Variants in TASOR observed in about 807,000 individuals in gnomAD.
TASOR encodes transcription activation suppressor, also known as protein TASOR.
A neutral mutation model predicts 178.6 loss-of-function variants in TASOR; 53 were observed. The ratio of observed to expected loss-of-function variants is 0.30; its 90% CI spans 0.24 to 0.37. The LOEUF is 0.37. TASOR is among the 10% of genes least tolerant of loss of function. The probability of loss-of-function intolerance (pLI) is 1.00; values close to 1 mark genes in which losing one functional copy is unlikely to be tolerated. For missense variants in TASOR, 1,815 were observed against 1,971.4 expected (o/e 0.92, Z 1.50); for synonymous variants, 713 against 696.2 (o/e 1.02, Z -0.38).
intron 18 of TASOR, among the ~76,000 whole-genome samples, chr3:56,630,913 G>T (rs1005756316): frequency 9.2e-5 from 13 of 141,482 alleles, no homozygotes; most frequent in South Asian, 2.6e-4. Flanking sequence ...AAAAAGGAGC[G>T]GGGGGGTGGG....
intron 13 of TASOR, among the ~76,000 whole-genome samples, chr3:56,648,047 A>AAATTT (rs2077272172): frequency 6.6e-6 from 1 of 152,174 alleles, no homozygotes; most frequent in African/African-American, 2.4e-5. Context: ...GAAAAAAAAA[A>AAATTT]AATTTAAACT....
chr3:56,668,139 A>G (rs1003867746), intron 6 of TASOR, among the ~76,000 whole-genome samples: 5 of 152,220 alleles, frequency 3.3e-5, no homozygotes, highest in Non-Finnish European at 7.3e-5. Flanking sequence ...ACCAGGTCAC[A>G]GTCTACTGGC....
chr3:56,670,203 A>C (rs2030533327), intron 3 of TASOR, 58 bp from the exon 4 acceptor site: 1 of 1,058,420 alleles, frequency 9.4e-7, no homozygotes, highest in African/African-American at 1.6e-5. Context: ...AAACATGAAA[A>C]AATAATTTTA....
rs114228714 is a variant in TASOR, at chr3:56,670,795, G to A, written c.571-650C>T. On this transcript the variant is annotated intron_variant, in intron 3 of 23. Transcript: ENST00000683822. Reference sequence around the variant, plus strand: ...TACTAAAAACGCAAAAAAATTAGCCGGGTGCGGTGGCGTGTCCTGTAATCC... The same window carrying A: ...TACTAAAAACGCAAAAAAATTAGCCAGGTGCGGTGGCGTGTCCTGTAATCC... 9.5e-3 allele frequency among the ~76,000 whole-genome samples: 1,436 copies of A among 151,524 alleles called. 30 individuals carry two copies. Among genetic ancestry groups the A allele is most frequent in the African/African-American group, 0.032 (1,314 of 41,256 alleles).
At chr3:56,659,996 T>TC (rs1270485171) in intron 11 of TASOR, among the ~76,000 whole-genome samples, 1 of 151,840 alleles carries the variant, frequency 6.6e-6, no homozygotes, top group Non-Finnish European at 1.5e-5. Flanking sequence ...TGCCTCAGCC[T>TC]CCCCAGTAGC....
chr3:56,668,534 G>T lies in TASOR; in HGVS notation c.760C>A (p.Pro254Thr), dbSNP rs2030301316. 7 of 1,550,504 alleles carry T rather than the reference G, an allele frequency of 4.5e-6. No individual in the cohort carries two copies. The highest frequency in any genetic ancestry group is 6.1e-6 in the Non-Finnish European group (7 of 1,146,484). ...MKGKIKSIYDPMGVKSLESML... is the reference protein window; with the variant it reads ...MKGKIKSIYDTMGVKSLESML... ...GATTCCAAACTTTTTACACCCATGG[G>T]GTCATATATACTCTTTATTTTACCC... Residue 254 changes from proline to threonine, a missense_variant, in exon 6 of 24, where the codon CCC (proline) becomes ACC (threonine). Physicochemically the swap from Pro to Thr is conservative, Grantham distance 38. Transcript: ENST00000683822.
intron 18 of TASOR, among the ~76,000 whole-genome samples, chr3:56,631,645 G>A (rs139834324): frequency 0.18 from 27,118 of 148,640 alleles, 3,290 homozygotes; most frequent in South Asian, 0.4. Context: ...GTGCACTGGC[G>A]TGATCTCGGC....
At chr3:56,662,061 C>G (rs939516628) in intron 9 of TASOR, among the ~76,000 whole-genome samples, 4 of 149,964 alleles carry the variant, frequency 2.7e-5, no homozygotes, top group African/African-American at 9.8e-5. Flanking sequence ...ACCCGGGAGG[C>G]GAAGGTTGCA....
chr3:56,654,642 C>T (rs1188093093), intron 11 of TASOR, among the ~76,000 whole-genome samples: 2 of 152,086 alleles, frequency 1.3e-5, no homozygotes, highest in African/African-American at 4.8e-5. Context: ...AAGCCAACCT[C>T]CCTAATGCAG....
rs1266038037 is a variant in TASOR at position 56,628,539 on chromosome 3, G to C, written c.3823C>G (p.Leu1275Val). ...TCTTCATTTTGAATAATAATCAATAGTTTATCTAATTTTGATCTTCTTTCC... is the reference window on the plus strand; with the variant it reads ...TCTTCATTTTGAATAATAATCAATACTTTATCTAATTTTGATCTTCTTTCC... ...FLERRSKLDK[L>V]LIIIQNEDIA... The change falls in exon 19 of 24, where the codon CTA (leucine) becomes GTA (valine). Residue 1275 changes from leucine (L) to valine (V), a missense_variant. By Grantham distance (32) the Leu-to-Val change is conservative. Coordinates refer to ENST00000683822, the MANE Select transcript of TASOR (RefSeq NM_001365635.2). The C allele has an allele frequency of 6.3e-7, 1 of 1,598,786 alleles. No individual in the cohort carries two copies. Among genetic ancestry groups the C allele is most frequent in the Non-Finnish European group, 8.6e-7 (1 of 1,168,250 alleles).
intron 5 of TASOR, among the ~76,000 whole-genome samples, chr3:56,669,327 A>C (rs1293460031): frequency 6.6e-6 from 1 of 151,744 alleles, no homozygotes; most frequent in Non-Finnish European, 1.5e-5. Context: ...CACGGTGAAA[A>C]CCCGTCTCTA....
intron 14 of TASOR, 46 bp from the exon 15 acceptor site, chr3:56,641,798 C>G (rs767973660): frequency 6.5e-7 from 1 of 1,527,084 alleles, no homozygotes; most frequent in East Asian, 2.3e-5. Context: ...TAAAAGCAAG[C>G]ATAAAACTTT....
chr3:56,649,039 C>T lies in TASOR; in HGVS notation c.1387G>A (p.Gly463Arg). The T allele has an allele frequency of 6.2e-7, 1 of 1,607,436 alleles. No individual in the cohort carries two copies. The change falls in exon 12 of 24, where the codon GGA (glycine) becomes AGA (arginine). Residue 463 changes from glycine (G) to arginine (R), a missense_variant. Physicochemically the swap from Gly to Arg is moderately radical, Grantham distance 125 (BLOSUM62 -2). Coordinates refer to ENST00000683822, the MANE Select transcript of TASOR (RefSeq NM_001365635.2). ...REKLVLVKPL[G>R]DRGYLFLLSP... Reference sequence around the variant, plus strand: ...AGAAGAAAAAGGTATCCTCGGTCTCCCAAAGGTTTAACAAGAACCTGTATT... The same window carrying T: ...AGAAGAAAAAGGTATCCTCGGTCTCTCAAAGGTTTAACAAGAACCTGTATT...
At chr3:56,640,188 A>G (rs1198697981) in intron 15 of TASOR, 58 bp from the exon 16 acceptor site, 47 of 1,501,944 alleles carry the variant, frequency 3.1e-5, no homozygotes, top group Non-Finnish European at 4.2e-5. Flanking sequence ...AATGTCAAGA[A>G]TAAACTGTTT....
intron 11 of TASOR, among the ~76,000 whole-genome samples, chr3:56,660,223 G>A (rs2077563261): frequency 6.6e-6 from 1 of 151,832 alleles, no homozygotes; most frequent in South Asian, 2.1e-4. Flanking sequence ...TGGGCACGGT[G>A]GCTCACGCCT....
Position 56,623,148 on chromosome 3 carries a change from A to T in TASOR, c.4902T>A (p.Asn1634Lys), listed in dbSNP as rs61754213. 1 of 1,613,792 alleles carries T rather than the reference A, an allele frequency of 6.2e-7. No homozygotes were observed. Among genetic ancestry groups the T allele is most frequent in the Non-Finnish European group, 8.5e-7 (1 of 1,179,826 alleles). ...YALSSSQSQE[N>K]ENYFLSAYTE... is the part of the protein sequence containing the mutation. ...TATAAGCAGATAAGAAGTAATTCTC[A>T]TTTTCTTGAGACTGACTTGATGAAA... The change falls in exon 24 of 24, where the codon AAT (asparagine) becomes AAA (lysine). Residue 1634 changes from asparagine (N) to lysine (K), a missense_variant. By Grantham distance (94) the Asn-to-Lys change is moderately conservative. Coordinates refer to ENST00000683822, the MANE Select transcript of TASOR (RefSeq NM_001365635.2).
rs1481268134 is a variant in TASOR at position 56,646,811 on chromosome 3, T to C, written c.1926A>G (p.Glu642=). The C allele has an allele frequency of 8.7e-6, 14 of 1,612,878 alleles. No homozygotes were observed. The highest frequency in any genetic ancestry group is 1.1e-5 in the Non-Finnish European group (13 of 1,179,778). The stretch of plus-strand genomic sequence containing the variant: ...TCATTTTTGTACCATTCATTTCTTC[T>C]TCTTGACCTTCATAATCTGAAAGTG... ...FSPLSDYEGQ[E]EEMNGTKMKF... is the part of the protein sequence containing the mutation. Residue 642 remains glutamate, a synonymous_variant, in exon 14 of 24, where the codon GAA becomes GAG. Transcript: ENST00000683822.
chr3:56,677,843 C>A (rs890977916), intron 1 of TASOR, among the ~76,000 whole-genome samples: 1 of 152,116 alleles, frequency 6.6e-6, no homozygotes, highest in Admixed American at 6.6e-5. Context: ...AGTCGTAACA[C>A]CCTTTGTTTT....
chr3:56,648,672 T>G, intron 13 of TASOR, 150 bp downstream of exon 13: 1 of 395,340 alleles, frequency 2.5e-6, no homozygotes, highest in Non-Finnish European at 4.7e-6. Flanking sequence ...TTCATATAAT[T>G]TGTGTCTTAT....
Sources: gnomAD v4.1 joint callset for allele counts (sites outside exome capture counted in the v4.1 genomes callset) on GRCh38, gnomAD v4.1.1 for gene constraint, MANE v1.5 for transcripts, NCBI Gene and HGNC (gene_info 2026-07-23, HGNC 2026-07-21) for gene names.